The following MYO10 variants were observed in gnomAD, a reference collection of about 807,000 sequenced individuals.
MYO10 encodes myosin X, also known as unconventional myosin-X.
Under a neutral mutation model 257.3 loss-of-function variants are expected in MYO10, and 133 were observed. The observed-to-expected ratio is 0.52, with a 90% CI of 0.45 to 0.60. The LOEUF is 0.60. MYO10 is among the 20% of genes least tolerant of loss of function. The pLI, the probability that MYO10 is intolerant of heterozygous loss-of-function variation, is 0.00. For synonymous variants in MYO10, 1,104 were observed against 1,028.6 expected (o/e 1.07, Z -1.40); for missense variants, 2,399 against 2,635.7 (o/e 0.91, Z 1.97).
intron 14 of MYO10, 56 bp from the exon 15 acceptor site, chr5:16,762,693 G>C: frequency 7.6e-7 from 1 of 1,320,298 alleles, no homozygotes; most frequent in Non-Finnish European, 1.1e-6. Flanking sequence ...GGGTGCATGG[G>C]TAGCTCATGC....
rs189630697 is a variant in MYO10 at position 16,739,558 on chromosome 5, T to C, written c.1929+15270A>G. 2.6e-5 allele frequency among the ~76,000 whole-genome samples: 4 copies of C among 152,300 alleles called. No individual in the cohort carries two copies. The East Asian group carries it at 7.7e-4, about 29-fold the overall frequency. On this transcript the variant is annotated intron_variant, in intron 19 of 40. Transcript: ENST00000513610. The stretch of plus-strand genomic sequence containing the variant: ...TCAAGAATTTACCTTAAGGAGAAAG[T>C]ATTTGTGCACATGAAAAATACAGTA...
At chr5:16,805,909 G>T (rs1199113264) in intron 3 of MYO10, among the ~76,000 whole-genome samples, 1 of 152,058 alleles carries the variant, frequency 6.6e-6, no homozygotes, top group Non-Finnish European at 1.5e-5. Flanking sequence ...CCAAGTCAAG[G>T]TTTTCAAAAG....
Position 16,764,351 on chromosome 5 carries a change from A to T in MYO10, c.1225T>A (p.Cys409Ser). 6.2e-7 allele frequency: 1 copy of T among 1,613,992 alleles called. No homozygotes were observed. The highest frequency in any genetic ancestry group is 8.5e-7 in the Non-Finnish European group (1 of 1,179,886). Reference protein sequence around the residue: ...DSLAMALYACCFEWVIKKINS... With the variant: ...DSLAMALYACSFEWVIKKINS... ...ATCTTCTTGATTACCCACTCAAAGC[A>T]GCACGCATACAGAGCCATGGCCAGG... Residue 409 changes from cysteine to serine, a missense_variant, in exon 12 of 41, where the codon TGC becomes AGC. Cys to Ser is a moderately radical substitution (Grantham distance 112). Transcript: ENST00000513610.
At chr5:16,882,247 A>G (rs1363804998) in intron 1 of MYO10, among the ~76,000 whole-genome samples, 1 of 152,184 alleles carries the variant, frequency 6.6e-6, no homozygotes, top group Non-Finnish European at 1.5e-5. Flanking sequence ...ACTGCCAACA[A>G]TGATTTCCTG....
chr5:16,787,649 T>C (rs1445183587), intron 4 of MYO10, among the ~76,000 whole-genome samples: 1 of 145,986 alleles, frequency 6.8e-6, no homozygotes, highest in Non-Finnish European at 1.5e-5. Context: ...CTAACTATAA[T>C]AATGAAAATG....
intron 22 of MYO10, 103 bp from the exon 23 acceptor site, chr5:16,703,261 T>A (rs1738170110): frequency 2.4e-6 from 2 of 840,630 alleles, no homozygotes; most frequent in Non-Finnish European, 3.7e-6. Context: ...GGACCCAGTT[T>A]TAGAATGAGA....
rs1736133327 is a variant in MYO10, at chr5:16,665,704, T to TTCA, written c.*987_*988insTGA. 6.6e-6 allele frequency: 1 copy of TTCA among 152,620 alleles called. No individual in the cohort carries two copies. The allele number at this position is 152,620 out of a possible 1,614,324, so 9.5% of individuals were successfully genotyped here. On this transcript the variant is annotated 3_prime_UTR_variant, in exon 41 of 41. Transcript: ENST00000513610. Reference sequence around the variant, plus strand: ...AGAAGCTAACCTTCCAAGTAACACTTTGTTTTTAACTTAAATCTTTTAGAC... The same window carrying TTCA: ...AGAAGCTAACCTTCCAAGTAACACTTTCATGTTTTTAACTTAAATCTTTTAGAC...
intron 2 of MYO10, among the ~76,000 whole-genome samples, chr5:16,860,812 A>G (rs1744086096): frequency 6.6e-6 from 1 of 152,156 alleles, no homozygotes; most frequent in Admixed American, 6.5e-5. Flanking sequence ...AATCAACGCA[A>G]GCACCGAAGA....
chr5:16,691,969 A>C (rs764210453), intron 27 of MYO10, among the ~76,000 whole-genome samples: 4 of 152,258 alleles, frequency 2.6e-5, no homozygotes, highest in Non-Finnish European at 5.9e-5. Flanking sequence ...CATTACAAAC[A>C]GCAAGTGAAA....
chr5:16,847,538 G>C (rs1357092005), intron 2 of MYO10, among the ~76,000 whole-genome samples: 1 of 152,108 alleles, frequency 6.6e-6, no homozygotes, highest in Non-Finnish European at 1.5e-5. Context: ...CTGGAGATCA[G>C]TCTAGGCAAC....
chr5:16,768,475 G>A (rs920213112), intron 10 of MYO10, among the ~76,000 whole-genome samples: 3 of 151,874 alleles, frequency 2.0e-5, no homozygotes, highest in Admixed American at 6.6e-5. Flanking sequence ...TTCCTATGTC[G>A]ATTCCTGGTT....
rs111765927 is a variant in MYO10, at chr5:16,772,195, T to C, written c.931-2992A>G. Among the ~76,000 whole-genome samples, 389 of 151,968 alleles carry C rather than the reference T, an allele frequency of 2.6e-3. 1 individual carries two copies. The highest frequency in any genetic ancestry group is 9.1e-3 in the African/African-American group (378 of 41,486). On this transcript the variant is annotated intron_variant, in intron 9 of 40. Transcript: ENST00000513610. ...TTGCCCAGGCTGGAGTGCAATGGCA[T>C]GATCTCGGCTCACTACAACCTCCGC...
intron 19 of MYO10, among the ~76,000 whole-genome samples, chr5:16,716,155 G>A (rs550535395): frequency 2.0e-5 from 3 of 151,966 alleles, no homozygotes; most frequent in Middle Eastern, 3.2e-3. Context: ...GAGACAGGAC[G>A]AAATCTATGT....
intron 3 of MYO10, among the ~76,000 whole-genome samples, chr5:16,800,926 T>G (rs1469830161): frequency 6.6e-6 from 1 of 151,620 alleles, no homozygotes; most frequent in African/African-American, 2.4e-5. Context: ...ATATATCACA[T>G]CAAGTGAAAA....
At position 16,817,971 on chromosome 5, in the gene MYO10, G is replaced by A. The variant is rs374908606; in HGVS notation, c.279+38C>T. ...AACAAAAATAAGCATTCACTCAAAC[G>A]TGAGGATCTTTTTAAAGGAATTACA... On this transcript the variant is annotated intron_variant, in intron 3 of 40. Coordinates refer to ENST00000513610, the MANE Select transcript of MYO10 (RefSeq NM_012334.3). The A allele has an allele frequency of 1.4e-4, 202 of 1,396,184 alleles. 1 individual carries two copies. Among genetic ancestry groups the A allele is most frequent in the African/African-American group, 1.4e-3 (98 of 69,840 alleles). 86.5% of individuals were successfully genotyped at this position (1,396,184 alleles called of 1,614,324 possible). A position where few individuals can be genotyped will look rare whatever the true frequency, so the allele number is the denominator to read the frequency against.
Position 16,701,296 on chromosome 5 carries a change from G to T in MYO10, c.3099C>A (p.Asp1033Glu). Residue 1033 changes from aspartate (D) to glutamate (E), a missense_variant, in exon 25 of 41, where the codon GAC becomes GAA. This residue lies in a region of MYO10 where 1,820 missense variants were observed against 1,939.4 expected (regional missense o/e 0.94). Coordinates refer to ENST00000513610, the MANE Select transcript of MYO10 (RefSeq NM_012334.3). This position sits in a 1 kb window ranked among gnomAD's most constrained non-coding sequence, Gnocchi z 8.1. ...GCACCACCGTGTCGTTCATGTATGG[G>T]TCCTCCTCTGAAGAGTCATCGCTGG... ...IRTSDDSSEEDPYMNDTVVPT... is the reference protein window; with the variant it reads ...IRTSDDSSEEEPYMNDTVVPT... The T allele has an allele frequency of 1.2e-6, 2 of 1,613,878 alleles. No homozygotes were observed. Among genetic ancestry groups the T allele is most frequent in the Non-Finnish European group, 8.5e-7 (1 of 1,179,858 alleles).
rs1205601262 is a variant in MYO10 at position 16,662,391 on chromosome 5, A to ACCTCCTG, written c.*4300_*4301insCAGGAGG. 83 of 128,174 alleles carry ACCTCCTG rather than the reference A, an allele frequency of 6.5e-4. No homozygotes were observed. Among genetic ancestry groups the ACCTCCTG allele is most frequent in the African/African-American group, 2.4e-3 (80 of 33,550 alleles). 7.9% of individuals were successfully genotyped at this position (128,174 alleles called of 1,614,324 possible). On this transcript the variant is annotated 3_prime_UTR_variant, in exon 41 of 41. Coordinates refer to ENST00000513610, the MANE Select transcript of MYO10 (RefSeq NM_012334.3). ...CACACCAGAATGCAGTGGCACCATCATGGCTCCCTGCAGCTTTGACCTCCT... is the reference window on the plus strand; with the variant it reads ...CACACCAGAATGCAGTGGCACCATCACCTCCTGTGGCTCCCTGCAGCTTTGACCTCCT...
At chr5:16,751,753 G>A (rs1000853491) in intron 19 of MYO10, among the ~76,000 whole-genome samples, 6 of 151,636 alleles carry the variant, frequency 4.0e-5, no homozygotes, top group African/African-American at 1.5e-4. Context: ...TTACAGGCGT[G>A]AGCCACCGCC....
intron 19 of MYO10, chr5:16,738,233 A>T (rs960583683): frequency 6.1e-6 from 6 of 985,250 alleles, no homozygotes; most frequent in Middle Eastern, 5.2e-4. Flanking sequence ...CCTCCAGAGG[A>T]ACCAGTCAAG....
Sources: allele counts gnomAD v4.1 joint callset (sites outside exome capture counted in the v4.1 genomes callset), GRCh38; gene constraint gnomAD v4.1.1; regional missense constraint gnomAD v4.1.1; non-coding constraint Gnocchi (gnomAD v3.1); transcripts MANE v1.5; gene names NCBI Gene and HGNC (gene_info 2026-07-23, HGNC 2026-07-21).